SETBP1: variants seen among roughly 807,000 people sequenced by gnomAD.
SETBP1 encodes the protein SET binding protein 1, also known as SET-binding protein.
A neutral mutation model predicts 101.0 loss-of-function variants in SETBP1; 9 were observed. That is an observed-to-expected ratio of 0.09 (90% CI 0.05 to 0.16). The LOEUF is 0.16. Among genes scored for constraint, SETBP1 ranks in the 10% least tolerant of loss-of-function variants. The pLI is 1.00. For synonymous variants in SETBP1, 818 were observed against 788.5 expected, an observed-to-expected ratio of 1.04 and a Z score of -0.63; for missense variants, 1,858 against 2,033.8, an observed-to-expected ratio of 0.91 and a Z score of 1.66.
At chr18:44,818,503 G>T (rs1180845480) in intron 2 of SETBP1, among the ~76,000 whole-genome samples, 1 of 152,060 alleles carries the variant, frequency 6.6e-6, no homozygotes, top group Non-Finnish European at 1.5e-5. Context: ...TGGGATAGTG[G>T]CCAAAGGCTG....
At chr18:44,857,031 C>G (rs969625408) in intron 2 of SETBP1, among the ~76,000 whole-genome samples, 12 of 152,136 alleles carry the variant, frequency 7.9e-5, no homozygotes, top group African/African-American at 2.4e-4. Context: ...TTTTTCTTAT[C>G]TAGTTATAAG....
At position 45,020,183 on chromosome 18, in the gene SETBP1, C is replaced by T. The variant is rs527261253; in HGVS notation, c.4001-18302C>T. ...GTGGCTTCTCCTCGATCCCTTGAAC[C>T]TGGGAGGTGGAGGTTGCAGTGAGCC... is the stretch of plus-strand genomic sequence containing the variant. On this transcript the variant is annotated intron_variant, in intron 4 of 5. Transcript: ENST00000649279. Among the ~76,000 whole-genome samples, 10 of 145,704 alleles carry T rather than the reference C, an allele frequency of 6.9e-5. No individual in the cohort carries two copies. In the South Asian group the frequency reaches 2.2e-3, roughly 32 times the overall value.
chr18:44,836,826 T>G (rs1369766961), intron 2 of SETBP1, among the ~76,000 whole-genome samples: 1 of 152,230 alleles, frequency 6.6e-6, no homozygotes, highest in Non-Finnish European at 1.5e-5. Flanking sequence ...TCTTAGCAGC[T>G]TCTCTGCTCA....
chr18:44,964,330 A>G (rs1167687021), intron 4 of SETBP1, among the ~76,000 whole-genome samples: 1 of 152,162 alleles, frequency 6.6e-6, no homozygotes, highest in Non-Finnish European at 1.5e-5. Context: ...AACTGGCCCC[A>G]GGAGTTCAAA....
chr18:44,938,958 A>ATGTGTGTGTGTGTG (rs111916615), intron 3 of SETBP1, among the ~76,000 whole-genome samples: 4 of 147,342 alleles, frequency 2.7e-5, no homozygotes, highest in East Asian at 2.0e-4. Context: ...GAGTGTGTGC[A>ATGTGTGTGTGTGTG]TGTGTGTGTG....
intron 4 of SETBP1, among the ~76,000 whole-genome samples, chr18:44,992,247 G>A (rs1214506519): frequency 2.0e-5 from 3 of 152,158 alleles, no homozygotes; most frequent in Middle Eastern, 3.4e-3. Flanking sequence ...AGAAAGGAAT[G>A]TATAAAGATA....
chr18:45,005,519 A>C (rs1284003733), intron 4 of SETBP1, among the ~76,000 whole-genome samples: 10 of 152,120 alleles, frequency 6.6e-5, no homozygotes, highest in Non-Finnish European at 1.3e-4. Flanking sequence ...CAGACTCTGT[A>C]ACAGTGTTCA....
At position 44,944,371 on chromosome 18, in the gene SETBP1, G is replaced by T. The variant is rs374982303; in HGVS notation, c.541-5510G>T. On this transcript the variant is annotated intron_variant, in intron 3 of 5. Coordinates refer to ENST00000649279, the MANE Select transcript of SETBP1 (RefSeq NM_015559.3). ...GTGAATGTTATAGCAACCACAGAAG[G>T]GCCCTACTCCAGAGAAGAAATGTGG... Among the ~76,000 whole-genome samples the T allele has an allele frequency of 2.6e-5, 4 of 152,234 alleles. No individual in the cohort carries two copies. In the East Asian group the frequency reaches 5.8e-4, roughly 22 times the overall value.
chr18:44,996,946 GC>G (rs1490891253), intron 4 of SETBP1, among the ~76,000 whole-genome samples: 3 of 152,220 alleles, frequency 2.0e-5, no homozygotes, highest in African/African-American at 7.2e-5. Flanking sequence ...GCAGGTCTCA[GC>G]TGACGGGAGT....
At chr18:45,053,185 C>T (rs555307297) in intron 5 of SETBP1, among the ~76,000 whole-genome samples, 1 of 152,002 alleles carries the variant, frequency 6.6e-6, no homozygotes, top group African/African-American at 2.4e-5. Flanking sequence ...AAATGTGGTG[C>T]CTTGAACACA....
intron 1 of SETBP1, among the ~76,000 whole-genome samples, chr18:44,696,268 T>G (rs531091338): frequency 6.6e-6 from 1 of 152,334 alleles, no homozygotes; most frequent in Non-Finnish European, 1.5e-5. Context: ...AATACCCTCA[T>G]GTACTCAATA....
chr18:44,939,135 G>A (rs1474158131), intron 3 of SETBP1, among the ~76,000 whole-genome samples: 1 of 152,038 alleles, frequency 6.6e-6, no homozygotes, highest in Non-Finnish European at 1.5e-5. Flanking sequence ...AGTTCAAAGA[G>A]TATCAACAAA....
chr18:44,730,734 G>C (rs1377099651), intron 2 of SETBP1, among the ~76,000 whole-genome samples: 1 of 152,158 alleles, frequency 6.6e-6, no homozygotes, highest in Non-Finnish European at 1.5e-5. Context: ...AGTTACAGTG[G>C]GGGTGGGAGA....
intron 3 of SETBP1, among the ~76,000 whole-genome samples, chr18:44,912,694 G>A (rs2070340692): frequency 6.6e-6 from 1 of 152,100 alleles, no homozygotes. Flanking sequence ...TGGGATTACA[G>A]GCGTGAGCCA....
intron 2 of SETBP1, among the ~76,000 whole-genome samples, chr18:44,791,372 G>A (rs574104913): frequency 6.6e-6 from 1 of 152,228 alleles, no homozygotes; most frequent in South Asian, 2.1e-4. Flanking sequence ...CTTTTTGCAG[G>A]AAAATTCTCT....
chr18:44,959,803 G>A (rs1371984386), intron 4 of SETBP1, among the ~76,000 whole-genome samples: 3 of 152,196 alleles, frequency 2.0e-5, no homozygotes, highest in African/African-American at 4.8e-5. Context: ...GATGGTAAGG[G>A]TGGTCATGAG....
intron 5 of SETBP1, among the ~76,000 whole-genome samples, chr18:45,043,552 T>C (rs1275442176): frequency 6.6e-6 from 1 of 152,242 alleles, no homozygotes; most frequent in African/African-American, 2.4e-5. Context: ...TCTTAGCTTC[T>C]ATCTGTTGTA....
chr18:44,893,425 A>G (rs542431593), intron 3 of SETBP1, among the ~76,000 whole-genome samples: 1 of 152,222 alleles, frequency 6.6e-6, no homozygotes, highest in East Asian at 1.9e-4. Flanking sequence ...AATTCACACA[A>G]TTTGTAACTG....
intron 4 of SETBP1, among the ~76,000 whole-genome samples, chr18:45,014,108 G>A (rs947864856): frequency 2.0e-5 from 3 of 152,190 alleles, no homozygotes; most frequent in Non-Finnish European, 2.9e-5. Context: ...TCCAAGGTGG[G>A]AGGGCTGTGG....
Sources: allele counts gnomAD v4.1 joint callset (sites outside exome capture counted in the v4.1 genomes callset), GRCh38; gene constraint gnomAD v4.1.1; transcripts MANE v1.5; gene names NCBI Gene and HGNC (gene_info 2026-07-23, HGNC 2026-07-21).